SGCD: variants seen among roughly 807,000 people sequenced by gnomAD.
The protein encoded by SGCD is delta-sarcoglycan.
Under a neutral mutation model 36.6 loss-of-function variants are expected in SGCD, and 18 were observed. The ratio of observed to expected loss-of-function variants is 0.49; its 90% confidence interval spans 0.34 to 0.73. The LOEUF is 0.73. SGCD is among the 30% of genes least tolerant of loss of function. SGCD has a pLI of 0.01. For synonymous variants in SGCD, 133 were observed against 130.6 expected, an observed-to-expected ratio of 1.02 and a Z score of -0.12; for missense variants, 387 against 346.7, an observed-to-expected ratio of 1.12 and a Z score of -0.92.
intron 1 of SGCD, among the ~76,000 whole-genome samples, chr5:155,937,159 G>A (rs1444250382): frequency 6.6e-6 from 1 of 152,152 alleles, no homozygotes; most frequent in Non-Finnish European, 1.5e-5. Flanking sequence ...AGAGAGGCCC[G>A]GGTCTGCAGG....
intron 3 of SGCD, among the ~76,000 whole-genome samples, chr5:156,187,484 A>G (rs1763789930): frequency 7.1e-6 from 1 of 141,552 alleles, no homozygotes; most frequent in Non-Finnish European, 1.6e-5. Flanking sequence ...AGCCCTCTAG[A>G]GGCTTCTGGA....
intron 6 of SGCD, among the ~76,000 whole-genome samples, chr5:156,598,604 G>A (rs1761036080): frequency 6.6e-6 from 1 of 152,108 alleles, no homozygotes; most frequent in African/African-American, 2.4e-5. Context: ...ATGCCTAGGG[G>A]AAAAAGTGGT....
intron 7 of SGCD, among the ~76,000 whole-genome samples, chr5:156,684,906 A>G (rs1753850985): frequency 6.6e-6 from 1 of 152,214 alleles, no homozygotes; most frequent in African/African-American, 2.4e-5. Flanking sequence ...AGAAATATCT[A>G]GTAATCAATA....
chr5:156,299,626 T>C (rs962259913), intron 3 of SGCD, among the ~76,000 whole-genome samples: 5 of 152,160 alleles, frequency 3.3e-5, no homozygotes, highest in African/African-American at 1.2e-4. Flanking sequence ...CAGTGATTTA[T>C]AGTTTTCGTT....
the SGCD span, among the ~76,000 whole-genome samples, chr5:155,778,200 G>C: frequency 6.6e-6 from 1 of 152,140 alleles, no homozygotes; most frequent in South Asian, 2.1e-4. Flanking sequence ...TGGTAAACTG[G>C]TTGCTGGTAG....
intron 3 of SGCD, among the ~76,000 whole-genome samples, chr5:156,496,231 C>G (rs1240540632): frequency 2.0e-5 from 3 of 152,068 alleles, no homozygotes; most frequent in Non-Finnish European, 4.4e-5. Flanking sequence ...TCAAATAGGA[C>G]AGGTTTGTCT....
intron 7 of SGCD, among the ~76,000 whole-genome samples, chr5:156,735,581 G>C (rs1421349869): frequency 6.6e-6 from 1 of 151,978 alleles, no homozygotes; most frequent in African/African-American, 2.4e-5. Flanking sequence ...GCCCCAGTCA[G>C]ATTGGACTCT....
intron 1 of SGCD, among the ~76,000 whole-genome samples, chr5:155,936,411 G>A (rs1019615531): frequency 1.1e-4 from 16 of 152,094 alleles, no homozygotes; most frequent in African/African-American, 3.6e-4. Flanking sequence ...TGTTCAGCTC[G>A]CAGCAGAGAG....
the SGCD span, among the ~76,000 whole-genome samples, chr5:155,786,015 A>T: frequency 1.4e-3 from 207 of 152,292 alleles, 2 homozygotes; most frequent in East Asian, 0.01. Context: ...AATACTTGTC[A>T]TTCATGACAA....
chr5:156,532,002 C>T (rs555035145), intron 4 of SGCD, among the ~76,000 whole-genome samples: 11 of 151,760 alleles, frequency 7.2e-5, no homozygotes, highest in African/African-American at 2.7e-4. Flanking sequence ...CCCAGCTACT[C>T]GGGAGGCTGA....
chr5:156,111,750 T>C (rs950992223), intron 1 of SGCD, among the ~76,000 whole-genome samples: 5 of 151,968 alleles, frequency 3.3e-5, no homozygotes, highest in Admixed American at 6.6e-5. Context: ...CACCTTAGTT[T>C]CATTTGTTAA....
At chr5:156,489,495 A>G (rs1014149592) in intron 3 of SGCD, among the ~76,000 whole-genome samples, 1 of 152,110 alleles carries the variant, frequency 6.6e-6, no homozygotes, top group African/African-American at 2.4e-5. Context: ...AGTATCAACA[A>G]TTGTTTTTTA....
chr5:156,150,938 C>A (rs561535597), intron 3 of SGCD, among the ~76,000 whole-genome samples: 1 of 151,724 alleles, frequency 6.6e-6, no homozygotes, highest in South Asian at 2.1e-4. Context: ...AACATCTGTA[C>A]TTCAAGGGCT....
intron 3 of SGCD, among the ~76,000 whole-genome samples, chr5:156,406,223 T>C (rs1772400131): frequency 6.6e-6 from 1 of 152,054 alleles, no homozygotes; most frequent in South Asian, 2.1e-4. Context: ...TTGGTGGTGA[T>C]GTCCTTCCTT....
chr5:155,869,287 A>G (rs1025766285), upstream of SGCD, among the ~76,000 whole-genome samples: 4 of 152,174 alleles, frequency 2.6e-5, no homozygotes, highest in African/African-American at 9.7e-5. Flanking sequence ...CAATTGCCTG[A>G]TATTTAGCAA....
At chr5:156,179,244 A>G (rs1264735779) in intron 3 of SGCD, among the ~76,000 whole-genome samples, 1 of 151,948 alleles carries the variant, frequency 6.6e-6, no homozygotes, top group African/African-American at 2.4e-5. Context: ...ATGATTTTCT[A>G]TCTGTGCTGC....
rs528291795 is a variant in SGCD at position 156,639,454 on chromosome 5, G to C, written c.503-8010G>C. Reference sequence around the variant, plus strand: ...AACTGAACACATGCACCTCTGTGCAGCCTGTGCCACGCAGCAGGCTGGTGC... The same window carrying C: ...AACTGAACACATGCACCTCTGTGCACCCTGTGCCACGCAGCAGGCTGGTGC... On this transcript the variant is annotated intron_variant, in intron 6 of 8. Transcript: ENST00000337851. 2.0e-3 allele frequency among the ~76,000 whole-genome samples: 302 copies of C among 152,300 alleles called. 1 individual carries two copies. Among genetic ancestry groups the C allele is most frequent in the African/African-American group, 6.8e-3 (283 of 41,574 alleles).
At chr5:156,508,478 T>C in intron 3 of SGCD, 123 bp from the exon 4 acceptor site, 1 of 639,108 alleles carries the variant, frequency 1.6e-6, no homozygotes, top group East Asian at 2.7e-5. Context: ...TGAATACCCG[T>C]CCTCATTCCA....
At chr5:156,642,718 C>G (rs1357405687) in intron 6 of SGCD, among the ~76,000 whole-genome samples, 5 of 152,026 alleles carry the variant, frequency 3.3e-5, no homozygotes, top group Non-Finnish European at 7.4e-5. Flanking sequence ...CCGCCTGCCT[C>G]AGCCTCCCAA....
Sources: gnomAD v4.1 joint callset for allele counts (sites outside exome capture counted in the v4.1 genomes callset) on GRCh38, gnomAD v4.1.1 for gene constraint, MANE v1.5 for transcripts, NCBI Gene and HGNC (gene_info 2026-07-23, HGNC 2026-07-21) for gene names.